Variants in EVPL observed in about 807,000 individuals in gnomAD.
The protein encoded by EVPL is envoplakin, also known as 210 kDa cornified envelope precursor protein.
EVPL carries 94 observed loss-of-function variants against 129.7 expected under a neutral mutation model. The observed-to-expected ratio is 0.72, with a 90% CI of 0.61 to 0.86. The LOEUF (loss-of-function observed/expected upper bound fraction) is 0.86. EVPL is among the 40% of genes least tolerant of loss of function. EVPL has a pLI of 0.00. For synonymous variants in EVPL, 1,172 were observed against 1,191.1 expected (o/e 0.98, Z 0.33); for missense variants, 2,625 against 2,721.1 (o/e 0.96, Z 0.79).
At position 76,008,910 on chromosome 17, in the gene EVPL, T is replaced by C. The variant is rs201866327; in HGVS notation, c.4295A>G (p.Lys1432Arg). Reference sequence around the variant, plus strand: ...CCGCAGCTCCCTCTCCACGGCCAGCTTCTTGCTGCGGTCCTCCTGGAAGCT... The same window carrying C: ...CCGCAGCTCCCTCTCCACGGCCAGCCTCTTGCTGCGGTCCTCCTGGAAGCT... Reference protein sequence around the residue: ...LLSFQEDRSKKLAVERELRQL... With the variant: ...LLSFQEDRSKRLAVERELRQL... The change falls in exon 22 of 22, where the codon AAG (lysine) becomes AGG (arginine). Residue 1432 changes from lysine (K) to arginine (R), a missense_variant. Around this residue, in one of 4 missense-constraint regions of EVPL, gnomAD observed 1,453 missense variants for 1,511.8 expected, o/e 0.96. Coordinates refer to ENST00000301607, the MANE Select transcript of EVPL (RefSeq NM_001988.4). This position sits in a 1 kb window ranked among gnomAD's most constrained non-coding sequence, Gnocchi z 7.4. The C allele has an allele frequency of 6.2e-7, 1 of 1,613,490 alleles. No homozygotes were observed. The highest frequency in any genetic ancestry group is 1.3e-5 in the African/African-American group (1 of 75,026).
At position 76,027,091 on chromosome 17, in the gene EVPL, T is replaced by C; in HGVS notation, c.98+10A>G. On this transcript the variant is annotated intron_variant, in intron 1 of 21. Coordinates refer to ENST00000301607, the MANE Select transcript of EVPL (RefSeq NM_001988.4). ...AGTTCCCCGGCTCCCCATCCCCCAG[T>C]CCCACTTACCGGCTGTGCCTGCTGG... 1 of 1,450,766 alleles carries C rather than the reference T, an allele frequency of 6.9e-7. No homozygotes were observed. Among genetic ancestry groups the C allele is most frequent in the South Asian group, 1.3e-5 (1 of 74,450 alleles). The allele number at this position is 1,450,766 out of a possible 1,614,324, so 89.9% of individuals were successfully genotyped here. A position where few individuals can be genotyped will look rare whatever the true frequency, so the allele number is the denominator to read the frequency against.
rs546046701 is a variant in EVPL at position 76,019,651 on chromosome 17, G to A, written c.1014C>T (p.Phe338=). ...GGCTGACTGAGTCGGCCTCTTCCTG[G>A]AACTGAGTTCACTGGGTGGTCAAGG... is the stretch of plus-strand genomic sequence containing the variant. The part of the protein sequence containing the change: ...QLQHVEDYRR[F]QEEADSVSQT... The change falls in exon 10 of 22, where the codon TTC becomes TTT. Residue 338 remains phenylalanine (F), a splice_region_variant and synonymous_variant. Coordinates refer to ENST00000301607, the MANE Select transcript of EVPL (RefSeq NM_001988.4). 6.2e-7 allele frequency: 1 copy of A among 1,610,522 alleles called. No individual in the cohort carries two copies.
At chr17:76,021,173 A>G (rs925765516) in intron 9 of EVPL, among the ~76,000 whole-genome samples, 1 of 152,148 alleles carries the variant, frequency 6.6e-6, no homozygotes, top group African/African-American at 2.4e-5. Flanking sequence ...CTCCTGCCTC[A>G]GCCTCCTGAG....
At chr17:76,025,421 G>C (rs1567918352) in intron 1 of EVPL, among the ~76,000 whole-genome samples, 1 of 152,190 alleles carries the variant, frequency 6.6e-6, no homozygotes, top group Non-Finnish European at 1.5e-5. Flanking sequence ...CACGTGAGGG[G>C]AGAGCCAACA....
rs377301253 is a variant in EVPL at position 76,017,868 on chromosome 17, G to C, written c.1581C>G (p.Leu527=). The change falls in exon 14 of 22, where the codon CTC becomes CTG. Residue 527 remains leucine, a synonymous_variant. Transcript: ENST00000301607. ...SDLANPQAQK[L]LTQMTRLDGD... is the part of the protein sequence containing the mutation. ...CATCCAGCCGGGTCATCTGTGTCAG[G>C]AGCTTCTGGGCCTGTGGGTTGGCCA... 114 of 1,613,974 alleles carry C rather than the reference G, an allele frequency of 7.1e-5. No individual in the cohort carries two copies. The highest frequency in any genetic ancestry group is 6.9e-5 in the Non-Finnish European group (81 of 1,180,042).
chr17:76,024,176 A>T lies in EVPL; in HGVS notation c.99-56T>A. The T allele has an allele frequency of 6.5e-7, 1 of 1,531,514 alleles. No homozygotes were observed. 94.9% of individuals were successfully genotyped at this position (1,531,514 alleles called of 1,614,324 possible). On this transcript the variant is annotated intron_variant, in intron 1 of 21. Transcript: ENST00000301607. The surrounding 1 kb of genome is among the most constrained non-coding windows in gnomAD (Gnocchi z 4.5). Reference sequence around the variant, plus strand: ...GGTGGAAGAGGCCCCTCTGTGCCCCATCCAGGTGGCATCCCCTGCCCTCCC... The same window carrying T: ...GGTGGAAGAGGCCCCTCTGTGCCCCTTCCAGGTGGCATCCCCTGCCCTCCC...
intron 18 of EVPL, among the ~76,000 whole-genome samples, chr17:76,012,986 C>T (rs952155517): frequency 2.6e-5 from 4 of 152,022 alleles, no homozygotes; most frequent in Non-Finnish European, 4.4e-5. Flanking sequence ...CCTTGTGATC[C>T]GCCCGCCTTG....
chr17:76,017,693 C>A, intron 14 of EVPL, 46 bp downstream of exon 14: 1 of 1,588,030 alleles, frequency 6.3e-7, no homozygotes, highest in Non-Finnish European at 8.5e-7. Flanking sequence ...AGCACCAGGG[C>A]CGGGCCGCTT....
chr17:76,008,265 C>A lies in EVPL; in HGVS notation c.4940G>T (p.Arg1647Leu), dbSNP rs780354838. The A allele has an allele frequency of 3.7e-6, 6 of 1,612,640 alleles. No homozygotes were observed. The highest frequency in any genetic ancestry group is 3.3e-4 in the Middle Eastern group (2 of 6,082). ...ELSRLEAAIL[R>L]EKDQIYEKER... ...CTTCTCGTAGATCTGGTCCTTCTCG[C>A]GGAGGATGGCCGCCTCCAGCCGCGA... is the stretch of plus-strand genomic sequence containing the variant. Residue 1647 changes from arginine to leucine, a missense_variant, in exon 22 of 22, where the codon CGC becomes CTC. Coordinates refer to ENST00000301607, the MANE Select transcript of EVPL (RefSeq NM_001988.4). The surrounding 1 kb of genome is among the most constrained non-coding windows in gnomAD (Gnocchi z 7.4).
Position 76,008,373 on chromosome 17 carries a change from A to G in EVPL, c.4832T>C (p.Leu1611Pro), listed in dbSNP as rs2066340927. ...ALERQKQQQT[L>P]QLQEESKLLS... is the part of the protein sequence containing the mutation. ...CAGCTTCGACTCCTCCTGCAGCTGC[A>G]GTGTCTGCTGCTGCTTCTGCCTCTC... Residue 1611 changes from leucine to proline, a missense_variant, in exon 22 of 22, where the codon CTG becomes CCG. Physicochemically the swap from Leu to Pro is moderately conservative, Grantham distance 98. Coordinates refer to ENST00000301607, the MANE Select transcript of EVPL (RefSeq NM_001988.4). This position sits in a 1 kb window ranked among gnomAD's most constrained non-coding sequence, Gnocchi z 7.4. 1.2e-5 allele frequency: 19 copies of G among 1,600,714 alleles called. No homozygotes were observed. The highest frequency in any genetic ancestry group is 1.6e-5 in the Non-Finnish European group (19 of 1,178,958).
In EVPL at chr17:76,006,886, A is replaced by T; in HGVS notation, c.*217T>A. 1 of 424,454 alleles carries T rather than the reference A, an allele frequency of 2.4e-6. No homozygotes were observed. Among genetic ancestry groups the T allele is most frequent in the Non-Finnish European group, 4.0e-6 (1 of 248,554 alleles). 26.3% of individuals were successfully genotyped at this position (424,454 alleles called of 1,614,324 possible). A position where few individuals can be genotyped will look rare whatever the true frequency, so the allele number is the denominator to read the frequency against. ...TTCGTTTATTGGGATCACTGGGTGG[A>T]GGTGGAGGAAGAACTGAGTGGCTGC... is the stretch of plus-strand genomic sequence containing the variant. On this transcript the variant is annotated 3_prime_UTR_variant, in exon 22 of 22. Transcript: ENST00000301607.
rs547022802 is a variant in EVPL, at chr17:76,010,745, G to A, written c.2662-202C>T. Among the ~76,000 whole-genome samples the A allele has an allele frequency of 3.9e-5, 6 of 152,240 alleles. No individual in the cohort carries two copies. In the East Asian group the frequency reaches 5.8e-4, roughly 15 times the overall value. ...ATGATTTTAGGACCCAAGGCAGTGC[G>A]CAGGCCTGGTTTGCATTAGAAAGTG... is the stretch of plus-strand genomic sequence containing the variant. On this transcript the variant is annotated intron_variant, in intron 21 of 21. Transcript: ENST00000301607.
In EVPL at chr17:76,015,058, G is replaced by T; in HGVS notation, c.2080C>A (p.Arg694Ser). ...GCGTGCTCCGAGGCCTTCAGCGCGC[G>T]GTGTAGCCGCAGCACGCAGGTCTGC... is the stretch of plus-strand genomic sequence containing the variant. ...EQQTCVLRLH[R>S]ALKASEHACA... is the part of the protein sequence containing the mutation. Residue 694 changes from arginine (R) to serine (S), a missense_variant, in exon 17 of 22, where the codon CGC becomes AGC. Physicochemically the swap from Arg to Ser is moderately radical, Grantham distance 110. Coordinates refer to ENST00000301607, the MANE Select transcript of EVPL (RefSeq NM_001988.4). The T allele has an allele frequency of 1.9e-6, 3 of 1,586,128 alleles. No individual in the cohort carries two copies. Among genetic ancestry groups the T allele is most frequent in the Non-Finnish European group, 2.6e-6 (3 of 1,169,766 alleles).
intron 9 of EVPL, 150 bp from the exon 10 acceptor site, chr17:76,019,803 T>C (rs983325020): frequency 2.0e-5 from 20 of 1,010,040 alleles, no homozygotes; most frequent in Non-Finnish European, 2.5e-5. Flanking sequence ...CAGATAAATG[T>C]GAAACAGCTA....
Position 76,009,377 on chromosome 17 carries a change from C to G in EVPL, c.3828G>C (p.Gln1276His). The change falls in exon 22 of 22, where the codon CAG becomes CAC. Residue 1276 changes from glutamine (Q) to histidine (H), a missense_variant. Physicochemically the swap from Gln to His is conservative, Grantham distance 24. Around this residue, in one of 4 missense-constraint regions of EVPL, gnomAD observed 1,453 missense variants for 1,511.8 expected, o/e 0.96. Coordinates refer to ENST00000301607, the MANE Select transcript of EVPL (RefSeq NM_001988.4). The surrounding 1 kb of genome is among the most constrained non-coding windows in gnomAD (Gnocchi z 5.9). ...CGTGGCTGTTGACGAGCTCGTTGAG[C>G]TGAGCCTTCAGGCGGTCGATCTCAC... ...VLREIDRLKA[Q>H]LNELVNSHGR... 1 of 1,613,938 alleles carries G rather than the reference C, an allele frequency of 6.2e-7. No homozygotes were observed. The highest frequency in any genetic ancestry group is 1.1e-5 in the South Asian group (1 of 91,086).
rs751560928 is a variant in EVPL at position 76,022,374 on chromosome 17, G to A, written c.606+39C>T. The A allele has an allele frequency of 6.2e-7, 1 of 1,612,430 alleles. No homozygotes were observed. The highest frequency in any genetic ancestry group is 1.1e-5 in the South Asian group (1 of 90,886). On this transcript the variant is annotated intron_variant, in intron 5 of 21. Transcript: ENST00000301607. This position sits in a 1 kb window ranked among gnomAD's most constrained non-coding sequence, Gnocchi z 5.6. ...CGGCTCTGACTGGAGAAACGGGCTG[G>A]GGCTGGCCCCGGATGTGACATCCTC...
intron 9 of EVPL, among the ~76,000 whole-genome samples, chr17:76,020,905 G>A (rs2066452740): frequency 6.6e-6 from 1 of 152,054 alleles, no homozygotes; most frequent in Admixed American, 6.6e-5. Context: ...CTTAGGTGCT[G>A]TATGTGGATC....
chr17:76,017,936 G>T, intron 13 of EVPL, 25 bp from the exon 14 acceptor site: 1 of 1,611,926 alleles, frequency 6.2e-7, no homozygotes. Flanking sequence ...GCTGGTGAGG[G>T]CCCAGGGCCT....
At chr17:76,023,794 G>A (rs2066480356) in intron 2 of EVPL, 140 bp from the exon 3 acceptor site, 8 of 1,395,288 alleles carry the variant, frequency 5.7e-6, no homozygotes, top group Non-Finnish European at 6.6e-6. Flanking sequence ...ACAGGGTCAG[G>A]ACCAGGGCGT....
Sources: allele counts gnomAD v4.1 joint callset (sites outside exome capture counted in the v4.1 genomes callset), GRCh38; gene constraint gnomAD v4.1.1; regional missense constraint gnomAD v4.1.1; non-coding constraint Gnocchi (gnomAD v3.1); transcripts MANE v1.5; gene names NCBI Gene and HGNC (gene_info 2026-07-23, HGNC 2026-07-21).